The following XKR4 variants were observed in gnomAD, a reference collection of about 807,000 sequenced individuals.
XKR4 encodes XK-related protein 4.
A neutral mutation model predicts 53.9 loss-of-function variants in XKR4; 12 were observed. That is an observed-to-expected ratio of 0.22 (90% CI 0.14 to 0.36). The LOEUF is 0.36. Among genes scored for constraint, XKR4 ranks in the 10% least tolerant of loss-of-function variants. XKR4 has a pLI of 1.00. For missense variants in XKR4, 799 were observed against 859.5 expected (o/e 0.93, Z 0.88); for synonymous variants, 354 against 362.4 (o/e 0.98, Z 0.26).
chr8:55,393,810 T>C (rs1804479161), intron 2 of XKR4, among the ~76,000 whole-genome samples: 1 of 152,186 alleles, frequency 6.6e-6, no homozygotes, highest in Non-Finnish European at 1.5e-5. Context: ...CTTAAAGCAC[T>C]ACCCATAAAA....
At chr8:55,455,153 G>A (rs1358862307) in intron 2 of XKR4, 13 of 578,024 alleles carry the variant, frequency 2.2e-5, no homozygotes, top group Non-Finnish European at 3.8e-5. Context: ...GAGGGACGCT[G>A]GGCGGGCTCC....
At chr8:55,132,675 C>T (rs947288655) in intron 1 of XKR4, among the ~76,000 whole-genome samples, 1 of 152,070 alleles carries the variant, frequency 6.6e-6, no homozygotes, top group Non-Finnish European at 1.5e-5. Context: ...AAATTGAGCT[C>T]GTCAGACCAT....
At chr8:55,186,609 C>T (rs188652289) in intron 1 of XKR4, among the ~76,000 whole-genome samples, 10 of 152,118 alleles carry the variant, frequency 6.6e-5, no homozygotes, top group African/African-American at 2.4e-4. Flanking sequence ...TGAGCCGAGA[C>T]GGTGCCACTG....
chr8:55,200,070 T>G (rs946220185), intron 1 of XKR4, among the ~76,000 whole-genome samples: 1 of 152,156 alleles, frequency 6.6e-6, no homozygotes, highest in African/African-American at 2.4e-5. Context: ...ATCTGTATCC[T>G]TTTTTCTTTT....
chr8:55,379,314 C>T (rs1224694400), intron 2 of XKR4, among the ~76,000 whole-genome samples: 1 of 152,180 alleles, frequency 6.6e-6, no homozygotes, highest in Non-Finnish European at 1.5e-5. Context: ...CATAGTCCAT[C>T]CCCCAATACC....
intron 1 of XKR4, among the ~76,000 whole-genome samples, chr8:55,304,565 T>C (rs1013702129): frequency 2.6e-5 from 4 of 152,150 alleles, no homozygotes; most frequent in Non-Finnish European, 5.9e-5. Flanking sequence ...TAATTTTCTG[T>C]TTAGTAGATC....
intron 2 of XKR4, among the ~76,000 whole-genome samples, chr8:55,361,140 G>A (rs1803897575): frequency 6.6e-6 from 1 of 152,232 alleles, no homozygotes. Flanking sequence ...CACACCAGGA[G>A]GCCCGACTGC....
intron 1 of XKR4, among the ~76,000 whole-genome samples, chr8:55,229,988 C>T (rs1379013863): frequency 6.6e-6 from 1 of 152,002 alleles, no homozygotes. Context: ...CCTCCGTTGC[C>T]TGGTGTCCTT....
chr8:55,479,666 G>C (rs547918166), intron 2 of XKR4, among the ~76,000 whole-genome samples: 28 of 152,028 alleles, frequency 1.8e-4, no homozygotes, highest in African/African-American at 5.8e-4. Context: ...GACTAATAAA[G>C]AAGAAAAGAG....
chr8:55,158,193 C>A (rs937624478), intron 1 of XKR4, among the ~76,000 whole-genome samples: 3 of 152,102 alleles, frequency 2.0e-5, no homozygotes, highest in Non-Finnish European at 4.4e-5. Flanking sequence ...TTTTTAATAG[C>A]CATTCTGACT....
At chr8:55,301,325 T>G (rs1819192800) in intron 1 of XKR4, among the ~76,000 whole-genome samples, 1 of 151,992 alleles carries the variant, frequency 6.6e-6, no homozygotes, top group South Asian at 2.1e-4. Flanking sequence ...GGACATGAAC[T>G]CTTCATTTTT....
intron 2 of XKR4, among the ~76,000 whole-genome samples, chr8:55,406,252 C>A (rs1398118236): frequency 6.6e-6 from 1 of 152,202 alleles, no homozygotes; most frequent in South Asian, 2.1e-4. Flanking sequence ...AGCCTAAGTG[C>A]TCCCTAGTTG....
chr8:55,522,969 C>T (rs1388622113), intron 2 of XKR4, among the ~76,000 whole-genome samples: 2 of 151,918 alleles, frequency 1.3e-5, no homozygotes, highest in African/African-American at 4.8e-5. Flanking sequence ...GGTGAAACCC[C>T]GTCTCTACTA....
intron 1 of XKR4, among the ~76,000 whole-genome samples, chr8:55,138,002 A>T (rs1816656009): frequency 7.2e-5 from 11 of 152,254 alleles, no homozygotes; most frequent in Admixed American, 7.2e-4. Flanking sequence ...GTATCTTGAA[A>T]GTGTGGCTGT....
chr8:55,441,146 G>A (rs1585574222), intron 2 of XKR4, among the ~76,000 whole-genome samples: 1 of 152,030 alleles, frequency 6.6e-6, no homozygotes, highest in Non-Finnish European at 1.5e-5. Context: ...AAGCTGAGGT[G>A]GGAGGATCAC....
At chr8:55,191,895 C>T (rs1285774234) in intron 1 of XKR4, among the ~76,000 whole-genome samples, 1 of 151,860 alleles carries the variant, frequency 6.6e-6, no homozygotes, top group African/African-American at 2.4e-5. Context: ...TACTTTTCTC[C>T]CTCCTGGAAT....
intron 1 of XKR4, among the ~76,000 whole-genome samples, chr8:55,226,912 G>A (rs761358096): frequency 3.4e-4 from 51 of 152,160 alleles, no homozygotes; most frequent in Non-Finnish European, 6.9e-4. Context: ...TCAGGAGCCT[G>A]AGCAAAATAT....
intron 2 of XKR4, among the ~76,000 whole-genome samples, chr8:55,369,484 G>A (rs1804041452): frequency 7.7e-6 from 1 of 129,356 alleles, no homozygotes; most frequent in African/African-American, 3.0e-5. Context: ...GGAGGACAGA[G>A]AGAGAGAAAG....
chr8:55,449,271 T>C (rs975502256), intron 2 of XKR4, among the ~76,000 whole-genome samples: 3 of 152,178 alleles, frequency 2.0e-5, no homozygotes, highest in African/African-American at 4.8e-5. Context: ...TACAGGCCCA[T>C]TGCGGGCTGT....
Sources: gnomAD v4.1 joint callset for allele counts (sites outside exome capture counted in the v4.1 genomes callset) on GRCh38, gnomAD v4.1.1 for gene constraint, MANE v1.5 for transcripts, NCBI Gene and HGNC (gene_info 2026-07-23, HGNC 2026-07-21) for gene names.